DYSF: variants seen among roughly 807,000 people sequenced by gnomAD.
DYSF encodes dystrophy-associated fer-1-like 1.
Under a neutral mutation model 274.9 loss-of-function variants are expected in DYSF, and 212 were observed. The ratio of observed to expected loss-of-function variants is 0.77; its 90% CI spans 0.69 to 0.86. The LOEUF (loss-of-function observed/expected upper bound fraction) is 0.86, where lower values mean the gene tolerates loss of function less well. Ranked by LOEUF, DYSF falls within the 40% of genes least tolerant of loss-of-function variation. The pLI, the probability that DYSF is intolerant of heterozygous loss-of-function variation, is 0.00. For missense variants in DYSF, 2,666 were observed against 2,783.2 expected, an observed-to-expected ratio of 0.96 and a Z score of 0.95; for synonymous variants, 1,091 against 1,078.7, an observed-to-expected ratio of 1.01 and a Z score of -0.22.
chr2:71,474,054 G>A (rs1438776109), intron 1 of DYSF, among the ~76,000 whole-genome samples: 2 of 151,424 alleles, frequency 1.3e-5, no homozygotes, highest in Non-Finnish European at 2.9e-5. Context: ...AGCCTCCCGA[G>A]TAGCTGGGAT....
intron 17 of DYSF, chr2:71,549,388 G>C: frequency 6.2e-7 from 1 of 1,612,156 alleles, no homozygotes; most frequent in Non-Finnish European, 8.5e-7. Context: ...GAAAGCCTCA[G>C]ACTGTACGTT....
chr2:71,645,901 G>A (rs1340937951), intron 42 of DYSF, among the ~76,000 whole-genome samples: 10 of 152,162 alleles, frequency 6.6e-5, no homozygotes, highest in African/African-American at 9.7e-5. Flanking sequence ...CATAGGAAAG[G>A]CCCCAAGAGC....
intron 6 of DYSF, 30 bp downstream of exon 6, chr2:71,513,362 C>T: frequency 1.3e-6 from 2 of 1,541,556 alleles, no homozygotes; most frequent in African/African-American, 2.7e-5. Context: ...TGTCCTGATC[C>T]CAGACCCTCC....
At chr2:71,514,806 AC>A (rs1224014161) in intron 7 of DYSF, among the ~76,000 whole-genome samples, 1 of 152,190 alleles carries the variant, frequency 6.6e-6, no homozygotes, top group Admixed American at 6.5e-5. Context: ...TAGCCCCCAT[AC>A]TACTATTCCC....
chr2:71,513,664 G>A, intron 6 of DYSF, 52 bp from the exon 7 acceptor site: 1 of 1,595,320 alleles, frequency 6.3e-7, no homozygotes, highest in Non-Finnish European at 8.6e-7. Flanking sequence ...AGGGGCAGGG[G>A]CAGGGGCAGG....
At position 71,556,089 on chromosome 2, in the gene DYSF, C is replaced by T. The variant is rs1367619723; in HGVS notation, c.2216+18C>T. 1 of 1,547,846 alleles carries T rather than the reference C, an allele frequency of 6.5e-7. No individual in the cohort carries two copies. Reference sequence around the variant, plus strand: ...GGCTGCAGGTAGGGGGGACCTGGCGCCCCTGGTGCCCACCTCTCCTGGCTC... The same window carrying T: ...GGCTGCAGGTAGGGGGGACCTGGCGTCCCTGGTGCCCACCTCTCCTGGCTC... On this transcript the variant is annotated intron_variant, in intron 22 of 55. Transcript: ENST00000410020.
At chr2:71,552,471 G>C (rs2091016688) in intron 19 of DYSF, among the ~76,000 whole-genome samples, 1 of 152,240 alleles carries the variant, frequency 6.6e-6, no homozygotes, top group Non-Finnish European at 1.5e-5. Flanking sequence ...CTCAGTCGTA[G>C]GATTGAGTTC....
intron 24 of DYSF, among the ~76,000 whole-genome samples, chr2:71,566,353 C>CAAAA (rs773800974): frequency 3.2e-3 from 154 of 48,526 alleles, no homozygotes; most frequent in Middle Eastern, 0.022. Flanking sequence ...TGGTTTCAAG[C>CAAAA]AAAAAAAAAA....
intron 4 of DYSF, among the ~76,000 whole-genome samples, chr2:71,504,638 G>T (rs1227649486): frequency 6.6e-6 from 1 of 152,184 alleles, no homozygotes; most frequent in Admixed American, 6.5e-5. Flanking sequence ...GGCAGCTGGC[G>T]AGAGAAAGCC....
intron 4 of DYSF, among the ~76,000 whole-genome samples, chr2:71,509,584 G>A (rs1193362987): frequency 6.6e-6 from 1 of 152,148 alleles, no homozygotes; most frequent in Non-Finnish European, 1.5e-5. Flanking sequence ...TTCGTGGTCA[G>A]GAAAAGCTTT....
chr2:71,526,421 C>CCCGGGGGTGGGGGGGGG, intron 13 of DYSF, 75 bp downstream of exon 13: 1 of 272,074 alleles, frequency 3.7e-6, no homozygotes, highest in Non-Finnish European at 6.7e-6. Flanking sequence ...TGGGCGATGG[C>CCCGGGGGTGGGGGGGGG]GGGCGGGGTC....
At chr2:71,673,338 C>A (rs1241181512) in intron 51 of DYSF, among the ~76,000 whole-genome samples, 2 of 152,186 alleles carry the variant, frequency 1.3e-5, no homozygotes, top group African/African-American at 4.8e-5. Flanking sequence ...CATGAAGCCT[C>A]AGTGGGAGGA....
In DYSF at chr2:71,600,800, G is replaced by A. The variant is rs765136335; in HGVS notation, c.3855G>A (p.Ser1285=). 6.8e-6 allele frequency: 11 copies of A among 1,613,160 alleles called. No individual in the cohort carries two copies. The highest frequency in any genetic ancestry group is 1.6e-4 in the Middle Eastern group (1 of 6,082). ...WFPLTRGSQP[S]GELLASFELI... Reference sequence around the variant, plus strand: ...CACTGACGAGGGGCAGCCAGCCGTCGGGGGAGCTGCTGGCCTCTTTTGAGC... The same window carrying A: ...CACTGACGAGGGGCAGCCAGCCGTCAGGGGAGCTGCTGGCCTCTTTTGAGC... The change falls in exon 34 of 56, where the codon TCG becomes TCA. Residue 1285 remains serine, a synonymous_variant. Transcript: ENST00000410020.
chr2:71,608,755 C>T (rs1040684116), intron 36 of DYSF, among the ~76,000 whole-genome samples: 2 of 152,080 alleles, frequency 1.3e-5, no homozygotes, highest in African/African-American at 4.8e-5. Context: ...GAGGGACAGA[C>T]CGAGGAAATG....
chr2:71,530,766 C>T (rs1410840817), intron 14 of DYSF, among the ~76,000 whole-genome samples: 2 of 152,170 alleles, frequency 1.3e-5, no homozygotes, highest in Non-Finnish European at 2.9e-5. Context: ...TTCTGCTGCT[C>T]TTATGGCGTG....
intron 23 of DYSF, 97 bp downstream of exon 23, chr2:71,562,041 C>A: frequency 1.3e-6 from 2 of 1,502,812 alleles, no homozygotes; most frequent in Non-Finnish European, 1.8e-6. Flanking sequence ...TTATTACCCA[C>A]CCCGGTTCCA....
chr2:71,471,172 A>G (rs2082009067), intron 1 of DYSF, among the ~76,000 whole-genome samples: 1 of 152,214 alleles, frequency 6.6e-6, no homozygotes, highest in Non-Finnish European at 1.5e-5. Context: ...GGCAAGAGTA[A>G]AAAATAGCCC....
In DYSF at chr2:71,660,586, AG is replaced by A. The variant is rs1057516051; in HGVS notation, c.4941del (p.Lys1648ArgfsTer4). The A allele has an allele frequency of 1.9e-6, 3 of 1,613,980 alleles. No homozygotes were observed. Among genetic ancestry groups the A allele is most frequent in the Non-Finnish European group, 2.5e-6 (3 of 1,179,958 alleles). On this transcript the variant is annotated frameshift_variant, in exon 45 of 56. Transcript: ENST00000410020. LOFTEE classifies it high-confidence loss of function. ...GTGATCCTTACATCAAGATCTCCAT[AG>A]GGAAGAAATCAGTGAGTGACCAGGA... is the stretch of plus-strand genomic sequence containing the variant. ...KCDPYIKISIGKKSVSDQDNY... is the reference protein window; with the variant it reads ...KCDPYIKISIXKKSVSDQDNY...
At chr2:71,660,720 G>A (rs1573021097) in intron 45 of DYSF, 69 bp downstream of exon 45, 1 of 1,326,088 alleles carries the variant, frequency 7.5e-7, no homozygotes, top group East Asian at 2.3e-5. Flanking sequence ...TAGTGGGGGA[G>A]ATGTGACTGG....
Sources: gnomAD v4.1 joint callset for allele counts (sites outside exome capture counted in the v4.1 genomes callset) on GRCh38, gnomAD v4.1.1 for gene constraint, MANE v1.5 for transcripts, NCBI Gene and HGNC (gene_info 2026-07-23, HGNC 2026-07-21) for gene names.